Variants in CUBN observed in about 807,000 individuals in gnomAD.
The protein encoded by CUBN is 460 kDa receptor.
CUBN carries 282 observed loss-of-function variants against 405.3 expected under a neutral mutation model. That is an observed-to-expected ratio of 0.70 (90% CI 0.63 to 0.77). The LOEUF (loss-of-function observed/expected upper bound fraction) is 0.77, where lower values mean the gene tolerates loss of function less well. CUBN is among the 30% of genes least tolerant of loss of function. The pLI is 0.00. For synonymous variants in CUBN, 1,684 were observed against 1,617.0 expected, an observed-to-expected ratio of 1.04 and a Z score of -0.99; for missense variants, 4,514 against 4,475.2, an observed-to-expected ratio of 1.01 and a Z score of -0.25.
intron 28 of CUBN, among the ~76,000 whole-genome samples, chr10:16,999,943 C>G (rs996182643): frequency 1.8e-4 from 27 of 152,200 alleles, no homozygotes; most frequent in African/African-American, 6.3e-4. Context: ...CACAGGTGGG[C>G]AGCACCACGT....
At chr10:16,995,561 T>C in intron 28 of CUBN, among the ~76,000 whole-genome samples, 1 of 152,166 alleles carries the variant, frequency 6.6e-6, no homozygotes, top group East Asian at 1.9e-4. Flanking sequence ...CTTGAACTCC[T>C]AGGCTCAAGT....
chr10:16,980,531 G>A (rs772784715), intron 31 of CUBN, among the ~76,000 whole-genome samples: 2 of 152,184 alleles, frequency 1.3e-5, no homozygotes, highest in Non-Finnish European at 2.9e-5. Context: ...ATGAGTTCAT[G>A]TACTTTGAAG....
Position 17,088,282 on chromosome 10 carries a change from T to C in CUBN, c.1829A>G (p.Tyr610Cys), listed in dbSNP as rs2131869563. The change falls in exon 15 of 67, where the codon TAT (tyrosine) becomes TGT (cysteine). Residue 610 changes from tyrosine (Y) to cysteine (C), a missense_variant. Tyr to Cys is a radical substitution (Grantham distance 194, BLOSUM62 -2). Coordinates refer to ENST00000377833, the MANE Select transcript of CUBN (RefSeq NM_001081.4). ...CCAGACACAATCTCTTCCTGGGGGA[T>C]AGTTTCCAGGATACCCCGGAGACTT... ...SIKSPGYPGN[Y>C]PPGRDCVWIV... 4.3e-6 allele frequency: 7 copies of C among 1,613,802 alleles called. No homozygotes were observed. Among genetic ancestry groups the C allele is most frequent in the Middle Eastern group, 1.6e-4 (1 of 6,062 alleles).
At chr10:16,905,821 G>C (rs1049439307) in intron 50 of CUBN, among the ~76,000 whole-genome samples, 4 of 152,114 alleles carry the variant, frequency 2.6e-5, no homozygotes, top group East Asian at 1.9e-4. Context: ...AGCATATGAA[G>C]AATATTGTAG....
intron 34 of CUBN, among the ~76,000 whole-genome samples, chr10:16,948,993 A>T (rs1842854565): frequency 6.6e-6 from 1 of 152,314 alleles, no homozygotes; most frequent in Non-Finnish European, 1.5e-5. Flanking sequence ...ACCTGGATTC[A>T]GCCCCTGGCT....
intron 60 of CUBN, among the ~76,000 whole-genome samples, chr10:16,842,928 G>A (rs538790631): frequency 1.9e-4 from 29 of 152,202 alleles, no homozygotes; most frequent in Non-Finnish European, 3.4e-4. Flanking sequence ...AACCCACACA[G>A]CTAAGGACTC....
At chr10:16,848,432 T>C (rs1410658291) in intron 60 of CUBN, among the ~76,000 whole-genome samples, 2 of 152,208 alleles carry the variant, frequency 1.3e-5, no homozygotes, top group Non-Finnish European at 2.9e-5. Context: ...TCAGGCACAG[T>C]GCTAAACGCT....
Position 17,045,154 on chromosome 10 carries a change from C to G in CUBN, c.3525G>C (p.Thr1175=). The G allele has an allele frequency of 6.2e-7, 1 of 1,613,802 alleles. No individual in the cohort carries two copies. Among genetic ancestry groups the G allele is most frequent in the African/African-American group, 1.3e-5 (1 of 74,962 alleles). The change falls in exon 25 of 67, where the codon ACG becomes ACC. Residue 1175 remains threonine (T), a synonymous_variant. Coordinates refer to ENST00000377833, the MANE Select transcript of CUBN (RefSeq NM_001081.4). ...CGGNLTTSSG[T]FISPNYPMPY... is the part of the protein sequence containing the mutation. ...GCATCGGGTAGTTGGGAGATATGAA[C>G]GTGCCGCTTGAAGTGGTGAGATTAC...
chr10:16,869,568 C>CGGT, intron 59 of CUBN, 68 bp downstream of exon 59: 1 of 940,426 alleles, frequency 1.1e-6, no homozygotes, highest in Non-Finnish European at 1.6e-6. Context: ...GGGGGGGGGG[C>CGGT]GGGGAAATTA....
At chr10:16,846,170 G>T (rs1418588190) in intron 60 of CUBN, among the ~76,000 whole-genome samples, 2 of 152,160 alleles carry the variant, frequency 1.3e-5, no homozygotes, top group Admixed American at 1.3e-4. Flanking sequence ...ACTGTACTTT[G>T]TTTGGTTTAG....
At position 16,904,108 on chromosome 10, in the gene CUBN, A is replaced by C. The variant is rs754424128; in HGVS notation, c.7920T>G (p.Ala2640=). The change falls in exon 51 of 67, where the codon GCT becomes GCG. Residue 2640 remains alanine, a synonymous_variant. Coordinates refer to ENST00000377833, the MANE Select transcript of CUBN (RefSeq NM_001081.4). ...AAAGTCTCCACATCAGGGGCCCATC[A>C]GCATCACCTGAACAAAATAATATAC... ...FDVLEFRVGD[A]DGPLMWRLCG... 6.2e-7 allele frequency: 1 copy of C among 1,613,906 alleles called. No homozygotes were observed. Among genetic ancestry groups the C allele is most frequent in the African/African-American group, 1.3e-5 (1 of 75,046 alleles).
At chr10:17,025,357 T>C (rs1257147618) in intron 27 of CUBN, among the ~76,000 whole-genome samples, 2 of 152,162 alleles carry the variant, frequency 1.3e-5, no homozygotes, top group Non-Finnish European at 2.9e-5. Flanking sequence ...CTAATGTCAA[T>C]GTGGCCAGAG....
chr10:16,859,547 A>C (rs915255904), intron 59 of CUBN, among the ~76,000 whole-genome samples: 1 of 152,214 alleles, frequency 6.6e-6, no homozygotes, highest in East Asian at 1.9e-4. Flanking sequence ...TCAAAATAAT[A>C]CAAGCCAGAG....
Position 17,019,955 on chromosome 10 carries a change from C to T in CUBN, c.4046G>A (p.Arg1349His), listed in dbSNP as rs1390620010. ...AGGGGGCAGGTCTACTCCACAGTAG[C>T]GTCCCATCTGCCGTGGTCCATCATA... ...ELYDGPRQMG[R>H]YCGVDLPPPG... The change falls in exon 28 of 67, where the codon CGC (arginine) becomes CAC (histidine). Residue 1349 changes from arginine to histidine, a missense_variant. Physicochemically the swap from Arg to His is conservative, Grantham distance 29. Around this residue, in one of 5 missense-constraint regions of CUBN, gnomAD observed 242 missense variants for 309.0 expected, o/e 0.78. Coordinates refer to ENST00000377833, the MANE Select transcript of CUBN (RefSeq NM_001081.4). The T allele has an allele frequency of 6.8e-6, 11 of 1,613,982 alleles. No individual in the cohort carries two copies. Among genetic ancestry groups the T allele is most frequent in the South Asian group, 1.1e-5 (1 of 91,086 alleles).
intron 10 of CUBN, 42 bp from the exon 11 acceptor site, chr10:17,105,617 C>T (rs374332403): frequency 5.4e-6 from 6 of 1,102,256 alleles, no homozygotes; most frequent in Non-Finnish European, 7.0e-6. Flanking sequence ...CAGGTCTCCT[C>T]CTCTGTTCGG....
rs769264611 is a variant in CUBN, at chr10:16,947,226, A to AC, written c.5342+8_5342+9insG. The AC allele has an allele frequency of 1.9e-6, 3 of 1,613,938 alleles. No individual in the cohort carries two copies. The Admixed American group carries it at 5.0e-5, about 27-fold the overall frequency. ...GCACTGAAACAATACACCATAAAAAAGGATTTACATAAAAGACAGCTGGAG... is the reference window on the plus strand; with the variant it reads ...GCACTGAAACAATACACCATAAAAAACGGATTTACATAAAAGACAGCTGGAG... On this transcript the variant is annotated intron_variant, in intron 36 of 66. Coordinates refer to ENST00000377833, the MANE Select transcript of CUBN (RefSeq NM_001081.4).
intron 14 of CUBN, among the ~76,000 whole-genome samples, chr10:17,090,088 T>TA (rs1836219866): frequency 6.6e-6 from 1 of 151,528 alleles, no homozygotes. Flanking sequence ...GTCTCAAAAA[T>TA]AAAAAACAAA....
intron 44 of CUBN, 87 bp from the exon 45 acceptor site, chr10:16,918,887 T>C (rs1016711789): frequency 1.7e-6 from 2 of 1,187,940 alleles, no homozygotes; most frequent in Non-Finnish European, 2.5e-6. Context: ...TTTGAAGATA[T>C]TATTAAATCA....
chr10:16,883,088 A>T (rs1206522110), intron 56 of CUBN, among the ~76,000 whole-genome samples: 2 of 151,998 alleles, frequency 1.3e-5, no homozygotes, highest in Non-Finnish European at 2.9e-5. Context: ...GAAAGAAAGA[A>T]AAAGAAAGGA....
Sources: allele counts gnomAD v4.1 joint callset (sites outside exome capture counted in the v4.1 genomes callset), GRCh38; gene constraint gnomAD v4.1.1; regional missense constraint gnomAD v4.1.1; transcripts MANE v1.5; gene names NCBI Gene and HGNC (gene_info 2026-07-23, HGNC 2026-07-21).